MBNL2: variants seen among roughly 807,000 people sequenced by gnomAD.
MBNL2 encodes the protein muscleblind-like protein 2.
In MBNL2, 17 loss-of-function variants were observed where a neutral mutation model predicts 41.9. The ratio of observed to expected loss-of-function variants is 0.41; its 90% CI spans 0.28 to 0.61. The LOEUF (loss-of-function observed/expected upper bound fraction) is 0.61. Among genes scored for constraint, MBNL2 ranks in the 20% least tolerant of loss-of-function variants. The pLI is 0.35. For missense variants in MBNL2, 336 were observed against 505.6 expected (o/e 0.66, Z 3.22); for synonymous variants, 195 against 182.9 (o/e 1.07, Z -0.53).
In MBNL2 at chr13:97,343,063, C is replaced by T. The variant is rs767559325; in HGVS notation, c.387C>T (p.Ser129=). The stretch of plus-strand genomic sequence containing the variant: ...CGATAGGGACAAATACGGCTATTAG[C>T]TTTGCTCCTTACCTAGCACCTGTAA... ...GPAIGTNTAI[S]FAPYLAPVTP... is the part of the protein sequence containing the mutation. The change falls in exon 4 of 9, where the codon AGC becomes AGT. Residue 129 remains serine (S), a synonymous_variant. Coordinates refer to ENST00000679496, the MANE Select transcript of MBNL2 (RefSeq NM_001382683.1). 8.7e-6 allele frequency: 14 copies of T among 1,613,928 alleles called. No individual in the cohort carries two copies. Among genetic ancestry groups the T allele is most frequent in the African/African-American group, 1.3e-5 (1 of 74,900 alleles).
chr13:97,165,797 T>C, the MBNL2 span, among the ~76,000 whole-genome samples: 1 of 152,198 alleles, frequency 6.6e-6, no homozygotes, highest in Admixed American at 6.5e-5. Flanking sequence ...AGGTGTATAC[T>C]TCAAAAAGCA....
the MBNL2 span, among the ~76,000 whole-genome samples, chr13:97,174,627 T>C: frequency 0.096 from 14,531 of 152,038 alleles, 760 homozygotes; most frequent in South Asian, 0.17. Context: ...CAAAGGCAAA[T>C]AGGTATTTTG....
Position 97,247,732 on chromosome 13 carries a change from T to G in MBNL2, c.-605+25201T>G, listed in dbSNP as rs893066438. ...ATTAGCAATATCATTTATTCCATATTTTAAATCACATTCTAGTTCATTCAT... is the reference window on the plus strand; with the variant it reads ...ATTAGCAATATCATTTATTCCATATGTTAAATCACATTCTAGTTCATTCAT... On this transcript the variant is annotated intron_variant, in intron 1 of 8. Transcript: ENST00000679496. 4.6e-5 allele frequency among the ~76,000 whole-genome samples: 7 copies of G among 152,184 alleles called. No individual in the cohort carries two copies. In the East Asian group the frequency reaches 9.6e-4, roughly 21 times the overall value.
the MBNL2 span, among the ~76,000 whole-genome samples, chr13:97,160,575 CA>C: frequency 6.6e-6 from 1 of 152,000 alleles, no homozygotes; most frequent in East Asian, 1.9e-4. Flanking sequence ...CACACACATG[CA>C]CACACACACA....
chr13:97,227,041 AAAAAAAAAAAAC>A (rs2041719366), intron 1 of MBNL2, among the ~76,000 whole-genome samples: 2 of 16,232 alleles, frequency 1.2e-4, no homozygotes, highest in South Asian at 2.3e-3. Flanking sequence ...GCAGAGTTAC[AAAAAAAAAAAAC>A]AAAAAAAAAA....
chr13:97,346,484 G>A lies in MBNL2; in HGVS notation c.541-320G>A, dbSNP rs778851057. On this transcript the variant is annotated intron_variant, in intron 4 of 8. Transcript: ENST00000679496. The surrounding 1 kb of genome is among the most constrained non-coding windows in gnomAD (Gnocchi z 4.2). ...GGATGGATAGACAGACAGACAGATC[G>A]ATAGACAGCTGCATAATATGCTACC... 6.6e-6 allele frequency among the ~76,000 whole-genome samples: 1 copy of A among 152,190 alleles called. No homozygotes were observed. Among genetic ancestry groups the A allele is most frequent in the African/African-American group, 2.4e-5 (1 of 41,440 alleles).
chr13:97,367,724 G>A (rs2063975371), intron 8 of MBNL2, among the ~76,000 whole-genome samples: 1 of 152,154 alleles, frequency 6.6e-6, no homozygotes. Flanking sequence ...GGAGAGAGCA[G>A]AGAGTGGGGG....
the MBNL2 span, among the ~76,000 whole-genome samples, chr13:97,165,466 G>A: frequency 6.6e-6 from 1 of 152,068 alleles, no homozygotes; most frequent in Admixed American, 6.6e-5. Flanking sequence ...TGCCTTTTAT[G>A]GGTCCTTTAG....
chr13:97,329,899 C>T lies in MBNL2; in HGVS notation c.175-4377C>T, dbSNP rs111627552. 4.2e-3 allele frequency among the ~76,000 whole-genome samples: 639 copies of T among 152,234 alleles called. 7 individuals carry two copies. The highest frequency in any genetic ancestry group is 0.015 in the African/African-American group (614 of 41,540). ...AAGTTCCTACTCATTTTTCAGGTCT[C>T]AGTTTAAATGTCACTTCTCCAGAGA... On this transcript the variant is annotated intron_variant, in intron 2 of 8. Coordinates refer to ENST00000679496, the MANE Select transcript of MBNL2 (RefSeq NM_001382683.1).
At chr13:97,312,200 T>C (rs2058674568) in intron 2 of MBNL2, among the ~76,000 whole-genome samples, 1 of 152,110 alleles carries the variant, frequency 6.6e-6, no homozygotes, top group East Asian at 1.9e-4. Context: ...TGCTTCCGAG[T>C]GCATGAAAAT....
intron 1 of MBNL2, among the ~76,000 whole-genome samples, chr13:97,236,001 C>T (rs918806716): frequency 6.6e-6 from 1 of 152,132 alleles, no homozygotes; most frequent in Admixed American, 6.5e-5. Flanking sequence ...TGGAGCTGAC[C>T]TGCCCTGGCG....
In MBNL2 at chr13:97,356,838, A is replaced by G. The variant is rs77878546; in HGVS notation, c.847A>G (p.Thr283Ala). The G allele has an allele frequency of 5.1e-6, 7 of 1,361,366 alleles. No homozygotes were observed. The African/African-American group carries it at 1.0e-4, about 20-fold the overall frequency. 84.3% of individuals were successfully genotyped at this position (1,361,366 alleles called of 1,614,324 possible). A position where few individuals can be genotyped will look rare whatever the true frequency, so the allele number is the denominator to read the frequency against. ...AKAMKRPLEATVDLAFPPGAL... is the reference protein window; with the variant it reads ...AKAMKRPLEAAVDLAFPPGAL... ...AGCAATGAAGCGACCTCTCGAAGCA[A>G]CTGTAGACCTGGTACTTTGACCTTT... is the stretch of plus-strand genomic sequence containing the variant. The change falls in exon 6 of 9, where the codon ACT (threonine) becomes GCT (alanine). Residue 283 changes from threonine (T) to alanine (A), a missense_variant. Thr to Ala is a moderately conservative substitution (Grantham distance 58, BLOSUM62 0). Coordinates refer to ENST00000679496, the MANE Select transcript of MBNL2 (RefSeq NM_001382683.1).
chr13:97,387,238 C>T (rs183646646), intron 8 of MBNL2, among the ~76,000 whole-genome samples: 12 of 152,220 alleles, frequency 7.9e-5, no homozygotes, highest in Non-Finnish European at 5.9e-5. Flanking sequence ...TTCTTTCCTA[C>T]CGTCATAGTT....
At chr13:97,162,183 G>A in the MBNL2 span, among the ~76,000 whole-genome samples, 104 of 152,066 alleles carry the variant, frequency 6.8e-4, no homozygotes, top group Non-Finnish European at 1.1e-3. Flanking sequence ...GGAGAAATGC[G>A]CCCCTAAGAG....
At chr13:97,229,461 G>A (rs2042091836) in intron 1 of MBNL2, among the ~76,000 whole-genome samples, 1 of 152,032 alleles carries the variant, frequency 6.6e-6, no homozygotes, top group South Asian at 2.1e-4. Context: ...CAGTTTTCAT[G>A]GATGTTTGAT....
At chr13:97,199,012 A>G in the MBNL2 span, among the ~76,000 whole-genome samples, 2 of 152,266 alleles carry the variant, frequency 1.3e-5, no homozygotes, top group South Asian at 4.2e-4. Flanking sequence ...CATAGATCTT[A>G]CAAACTGCTT....
At chr13:97,207,995 G>C in the MBNL2 span, among the ~76,000 whole-genome samples, 254 of 152,332 alleles carry the variant, frequency 1.7e-3, 1 homozygote, top group Non-Finnish European at 3.2e-3. Context: ...CTCACATCCA[G>C]GTCATGCTGA....
intron 2 of MBNL2, among the ~76,000 whole-genome samples, chr13:97,284,677 T>C (rs2054087219): frequency 6.6e-6 from 1 of 152,196 alleles, no homozygotes; most frequent in Admixed American, 6.5e-5. Flanking sequence ...AATTCAACAC[T>C]GTAGTCTAAG....
chr13:97,385,470 T>G (rs2065849036), intron 8 of MBNL2, among the ~76,000 whole-genome samples: 1 of 152,246 alleles, frequency 6.6e-6, no homozygotes, highest in Non-Finnish European at 1.5e-5. Context: ...ATCCATTATT[T>G]CTCTTTTCTA....
Sources: gnomAD v4.1 joint callset for allele counts (sites outside exome capture counted in the v4.1 genomes callset) on GRCh38, gnomAD v4.1.1 for gene constraint, Gnocchi (gnomAD v3.1) non-coding constraint, MANE v1.5 for transcripts, NCBI Gene and HGNC (gene_info 2026-07-23, HGNC 2026-07-21) for gene names.